SLC2A13: variants seen among roughly 807,000 people sequenced by gnomAD.
The protein encoded by SLC2A13 is solute carrier family 2 member 13, also known as proton myo-inositol cotransporter.
Under a neutral mutation model 64.4 loss-of-function variants are expected in SLC2A13, and 32 were observed. The ratio of observed to expected loss-of-function variants is 0.50; its 90% CI spans 0.37 to 0.67. SLC2A13 has a LOEUF of 0.67. Among genes scored for constraint, SLC2A13 ranks in the 30% least tolerant of loss-of-function variants. The pLI, the probability that SLC2A13 is intolerant of heterozygous loss-of-function variation, is 0.00. For missense variants in SLC2A13, 743 were observed against 829.2 expected (o/e 0.90, Z 1.28); for synonymous variants, 338 against 327.1 (o/e 1.03, Z -0.36).
At position 39,951,330 on chromosome 12, in the gene SLC2A13, G is replaced by A. The variant is rs1378267915; in HGVS notation, c.961C>T (p.Pro321Ser). 2 of 1,610,904 alleles carry A rather than the reference G, an allele frequency of 1.2e-6. No homozygotes were observed. The highest frequency in any genetic ancestry group is 1.7e-5 in the Admixed American group (1 of 59,674). Reference protein sequence around the residue: ...PVICRMLSYPPTRRALIVGCG... With the variant: ...PVICRMLSYPSTRRALIVGCG... ...CCCACAATTAAAGCTCGGCGAGTTG[G>A]GGGATAACTCAGCATTCTGCAGATC... Residue 321 changes from proline (P) to serine (S), a missense_variant, in exon 4 of 10, where the codon CCA (proline) becomes TCA (serine). Pro to Ser is a moderately conservative substitution (Grantham distance 74). Coordinates refer to ENST00000280871, the MANE Select transcript of SLC2A13 (RefSeq NM_052885.4).
intron 7 of SLC2A13, among the ~76,000 whole-genome samples, chr12:39,816,047 C>T (rs370788737): frequency 6.6e-5 from 10 of 152,152 alleles, no homozygotes; most frequent in Non-Finnish European, 1.5e-4. Context: ...CAAATCCTAA[C>T]GGTAACATTT....
chr12:40,002,270 C>A (rs1389154108), intron 3 of SLC2A13, among the ~76,000 whole-genome samples: 5 of 152,112 alleles, frequency 3.3e-5, no homozygotes. Flanking sequence ...TTTTCATACT[C>A]ATTTTACAAA....
chr12:40,081,397 A>T (rs988386961), intron 1 of SLC2A13, among the ~76,000 whole-genome samples: 10 of 151,822 alleles, frequency 6.6e-5, no homozygotes, highest in Non-Finnish European at 7.4e-5. Context: ...GTTCATTTTT[A>T]TTTTTTTTAT....
chr12:39,929,905 C>T (rs1319118275), intron 4 of SLC2A13, among the ~76,000 whole-genome samples: 3 of 151,880 alleles, frequency 2.0e-5, no homozygotes, highest in South Asian at 2.1e-4. Flanking sequence ...CTGAGGAGGA[C>T]GGATCACCTG....
At chr12:39,804,564 T>G (rs1308478275) in intron 7 of SLC2A13, among the ~76,000 whole-genome samples, 2 of 152,184 alleles carry the variant, frequency 1.3e-5, no homozygotes, top group Admixed American at 6.6e-5. Flanking sequence ...TCTGTAACTT[T>G]TATATTAATA....
chr12:39,937,934 C>T (rs1945944242), intron 4 of SLC2A13, among the ~76,000 whole-genome samples: 1 of 152,082 alleles, frequency 6.6e-6, no homozygotes, highest in Non-Finnish European at 1.5e-5. Context: ...ATAACATGTA[C>T]AAGCTAGAAG....
chr12:40,002,247 T>C (rs1205788259), intron 3 of SLC2A13, among the ~76,000 whole-genome samples: 1 of 152,232 alleles, frequency 6.6e-6, no homozygotes, highest in Non-Finnish European at 1.5e-5. Flanking sequence ...ATAATTATCC[T>C]ATAGTGGGTA....
At chr12:39,762,305 T>C (rs1940183686) in intron 9 of SLC2A13, among the ~76,000 whole-genome samples, 1 of 152,084 alleles carries the variant, frequency 6.6e-6, no homozygotes, top group Non-Finnish European at 1.5e-5. Context: ...ATCAGGACTA[T>C]TGAACAGTTA....
At chr12:39,864,948 G>A in intron 5 of SLC2A13, 66 bp from the exon 6 acceptor site, 33 of 1,414,420 alleles carry the variant, frequency 2.3e-5, no homozygotes, top group South Asian at 1.4e-4. Context: ...GACTGGGTTT[G>A]GTAAAAACAA....
At chr12:39,859,547 A>G (rs1248244329) in intron 6 of SLC2A13, among the ~76,000 whole-genome samples, 1 of 152,050 alleles carries the variant, frequency 6.6e-6, no homozygotes, top group African/African-American at 2.4e-5. Context: ...TTTAAGACAG[A>G]GTCTCCCTCT....
intron 6 of SLC2A13, among the ~76,000 whole-genome samples, chr12:39,844,329 T>C (rs1157665397): frequency 6.6e-6 from 1 of 152,086 alleles, no homozygotes; most frequent in African/African-American, 2.4e-5. Flanking sequence ...AGCTATGGAG[T>C]CAAAGTTTAA....
At chr12:39,780,293 A>G (rs1477112122) in intron 7 of SLC2A13, among the ~76,000 whole-genome samples, 1 of 152,182 alleles carries the variant, frequency 6.6e-6, no homozygotes, top group East Asian at 1.9e-4. Context: ...TTCTCCTTCA[A>G]CATAATCATC....
intron 3 of SLC2A13, among the ~76,000 whole-genome samples, chr12:39,955,231 C>T (rs893058250): frequency 1.6e-4 from 24 of 152,044 alleles, no homozygotes; most frequent in African/African-American, 5.8e-4. Context: ...GGAAAACATC[C>T]CCCAAATTGG....
At chr12:40,023,407 C>T (rs1272072318) in intron 3 of SLC2A13, among the ~76,000 whole-genome samples, 1 of 152,192 alleles carries the variant, frequency 6.6e-6, no homozygotes, top group Admixed American at 6.5e-5. Flanking sequence ...GCAGCAACAG[C>T]CTTTGCTTTC....
chr12:39,996,598 C>T (rs1947235050), intron 3 of SLC2A13, among the ~76,000 whole-genome samples: 1 of 152,224 alleles, frequency 6.6e-6, no homozygotes, highest in Admixed American at 6.5e-5. Flanking sequence ...GGCCCCCCGC[C>T]CCATGCAGTG....
chr12:39,897,914 T>C (rs1180204085), intron 4 of SLC2A13, among the ~76,000 whole-genome samples: 2 of 152,120 alleles, frequency 1.3e-5, no homozygotes, highest in Non-Finnish European at 2.9e-5. Flanking sequence ...TGTAGATCTA[T>C]GAAATATAAG....
intron 1 of SLC2A13, among the ~76,000 whole-genome samples, chr12:40,070,837 ACT>A (rs1292877891): frequency 6.6e-6 from 1 of 152,070 alleles, no homozygotes; most frequent in Non-Finnish European, 1.5e-5. Flanking sequence ...AAAATAATAA[ACT>A]CTGTTTGGCG....
At chr12:40,077,309 A>G (rs1046175536) in intron 1 of SLC2A13, among the ~76,000 whole-genome samples, 1 of 152,042 alleles carries the variant, frequency 6.6e-6, no homozygotes, top group Non-Finnish European at 1.5e-5. Context: ...TCTTTGTTCT[A>G]TCTTGAGTTG....
chr12:39,903,588 C>G (rs927062933), intron 4 of SLC2A13, among the ~76,000 whole-genome samples: 1 of 152,032 alleles, frequency 6.6e-6, no homozygotes, highest in Non-Finnish European at 1.5e-5. Flanking sequence ...AAACCAAACT[C>G]ATGAGTTCTA....
Sources: allele counts gnomAD v4.1 joint callset (sites outside exome capture counted in the v4.1 genomes callset), GRCh38; gene constraint gnomAD v4.1.1; transcripts MANE v1.5; gene names NCBI Gene and HGNC (gene_info 2026-07-23, HGNC 2026-07-21).